Variants in TIAM1 observed in about 807,000 individuals in gnomAD.
TIAM1 encodes TIAM Rac1 associated GEF 1.
A neutral mutation model predicts 163.5 loss-of-function variants in TIAM1; 65 were observed. That is an observed-to-expected ratio of 0.40 (90% confidence interval 0.33 to 0.49). The LOEUF is 0.49. TIAM1 is among the 20% of genes least tolerant of loss of function. The pLI is 0.77. For missense variants in TIAM1, 1,789 were observed against 2,044.7 expected (o/e 0.87, Z 2.41); for synonymous variants, 833 against 810.1 (o/e 1.03, Z -0.48).
At position 31,488,821 on chromosome 21, in the gene TIAM1, G is replaced by A. The variant is rs539660824; in HGVS notation, c.-421-24786C>T. On this transcript the variant is annotated intron_variant, in intron 1 of 28. Transcript: ENST00000286827. The stretch of plus-strand genomic sequence containing the variant: ...TGGGGACACAAATCTTATCCGGAAG[G>A]GAGAGGAGGAAAGAGGAGAACAAGG... Among the ~76,000 whole-genome samples, 5 of 152,126 alleles carry A rather than the reference G, an allele frequency of 3.3e-5. No homozygotes were observed. In the South Asian group the frequency reaches 1.0e-3, roughly 32 times the overall value.
intron 25 of TIAM1, among the ~76,000 whole-genome samples, chr21:31,128,202 T>C (rs1472991654): frequency 1.3e-5 from 2 of 152,162 alleles, no homozygotes; most frequent in African/African-American, 4.8e-5. Flanking sequence ...AGAATCTATC[T>C]GCAAAAAATT....
At chr21:31,214,892 G>A (rs564969780) in intron 9 of TIAM1, among the ~76,000 whole-genome samples, 1 of 152,046 alleles carries the variant, frequency 6.6e-6, no homozygotes, top group Non-Finnish European at 1.5e-5. Context: ...CTCCTAAAGT[G>A]CTAGGATTAC....
At chr21:31,140,127 G>A (rs986423469) in intron 22 of TIAM1, among the ~76,000 whole-genome samples, 1 of 152,110 alleles carries the variant, frequency 6.6e-6, no homozygotes, top group Admixed American at 6.5e-5. Flanking sequence ...TTAACAGCCT[G>A]AAAACTTGTT....
At chr21:31,520,034 T>C (rs2047526446) in intron 1 of TIAM1, among the ~76,000 whole-genome samples, 1 of 152,104 alleles carries the variant, frequency 6.6e-6, no homozygotes, top group African/African-American at 2.4e-5. Flanking sequence ...CTTGACACTT[T>C]AAAATGGTTA....
At chr21:31,496,689 G>C (rs1019096734) in intron 1 of TIAM1, among the ~76,000 whole-genome samples, 2 of 152,010 alleles carry the variant, frequency 1.3e-5, no homozygotes, top group Admixed American at 6.6e-5. Context: ...GAATGTCCTA[G>C]GCCTTTACAT....
intron 1 of TIAM1, among the ~76,000 whole-genome samples, chr21:31,544,465 C>T (rs1234224932): frequency 6.7e-6 from 1 of 148,852 alleles, no homozygotes; most frequent in African/African-American, 2.5e-5. Context: ...CCCACCCCTA[C>T]AAAAATACAA....
intron 3 of TIAM1, among the ~76,000 whole-genome samples, chr21:31,271,042 T>A (rs572739380): frequency 6.6e-6 from 1 of 152,324 alleles, no homozygotes; most frequent in East Asian, 1.9e-4. Flanking sequence ...CCTCTTCTTT[T>A]GCTTTGCCTT....
At chr21:31,492,192 G>A (rs1219224821) in intron 1 of TIAM1, among the ~76,000 whole-genome samples, 1 of 152,140 alleles carries the variant, frequency 6.6e-6, no homozygotes, top group South Asian at 2.1e-4. Flanking sequence ...GTCAAGCTGG[G>A]AACTACATCA....
chr21:31,325,621 T>C (rs1483634156), intron 2 of TIAM1, among the ~76,000 whole-genome samples: 1 of 147,084 alleles, frequency 6.8e-6, no homozygotes, highest in Non-Finnish European at 1.5e-5. Context: ...TGAGCCAAGA[T>C]GGCACCACTG....
At chr21:31,369,086 C>T (rs1358219795) in intron 2 of TIAM1, among the ~76,000 whole-genome samples, 2 of 151,906 alleles carry the variant, frequency 1.3e-5, no homozygotes, top group African/African-American at 2.4e-5. Flanking sequence ...ATTAGCCGGC[C>T]GTGGTGGCGG....
chr21:31,267,223 A>C (rs900849672), intron 3 of TIAM1, among the ~76,000 whole-genome samples: 5 of 152,188 alleles, frequency 3.3e-5, no homozygotes, highest in African/African-American at 1.2e-4. Flanking sequence ...TGAGCTCATA[A>C]ATATGAGCAT....
chr21:31,187,603 A>T (rs1417535170), intron 13 of TIAM1, among the ~76,000 whole-genome samples: 1 of 152,194 alleles, frequency 6.6e-6, no homozygotes. Flanking sequence ...TGTGAATTAC[A>T]CATTACAGAA....
chr21:31,430,199 T>G (rs1479288123), intron 2 of TIAM1, among the ~76,000 whole-genome samples: 4 of 106,186 alleles, frequency 3.8e-5, no homozygotes, highest in Non-Finnish European at 5.5e-5. Context: ...AGAGCGAAAC[T>G]CCATCTCAAA....
At chr21:31,534,291 TAC>T (rs2048058297) in intron 1 of TIAM1, among the ~76,000 whole-genome samples, 1 of 152,222 alleles carries the variant, frequency 6.6e-6, no homozygotes, top group Non-Finnish European at 1.5e-5. Context: ...ATCCAGTGCC[TAC>T]ATCGAGAACA....
chr21:31,287,973 AGGACTC>A (rs1279749878), intron 2 of TIAM1, among the ~76,000 whole-genome samples: 5 of 152,256 alleles, frequency 3.3e-5, no homozygotes, highest in African/African-American at 1.2e-4. Flanking sequence ...TAGGATCACC[AGGACTC>A]GGTGGCCACA....
intron 2 of TIAM1, among the ~76,000 whole-genome samples, chr21:31,402,480 A>AT (rs978392561): frequency 1.3e-5 from 2 of 151,954 alleles, no homozygotes; most frequent in African/African-American, 2.4e-5. Context: ...TCTCTTCCTG[A>AT]TTTTCCTGCT....
chr21:31,181,753 CTTCTTTTTTTTTTTTTTTT>C (rs2085028559), intron 15 of TIAM1, among the ~76,000 whole-genome samples: 2 of 39,436 alleles, frequency 5.1e-5, no homozygotes, highest in African/African-American at 1.5e-4. Flanking sequence ...TCTTCTTCTT[CTTCTTTTTTTTTTTTTTTT>C]TTTTTTTTTT....
chr21:31,319,877 A>G (rs1379679117), intron 2 of TIAM1, among the ~76,000 whole-genome samples: 3 of 151,736 alleles, frequency 2.0e-5, no homozygotes, highest in African/African-American at 7.3e-5. Flanking sequence ...ACAGATATTG[A>G]GCATCTTTTC....
At chr21:31,363,796 A>G (rs1206302908) in intron 2 of TIAM1, among the ~76,000 whole-genome samples, 1 of 152,186 alleles carries the variant, frequency 6.6e-6, no homozygotes, top group Non-Finnish European at 1.5e-5. Flanking sequence ...TTCTTCCAGA[A>G]GAAAGCTCTC....
Sources: gnomAD v4.1 joint callset for allele counts (sites outside exome capture counted in the v4.1 genomes callset) on GRCh38, gnomAD v4.1.1 for gene constraint, MANE v1.5 for transcripts, NCBI Gene and HGNC (gene_info 2026-07-23, HGNC 2026-07-21) for gene names.